Variants in COL16A1 observed in about 807,000 individuals in gnomAD.
COL16A1 encodes collagen alpha-1(XVI) chain.
Under a neutral mutation model 266.3 loss-of-function variants are expected in COL16A1, and 189 were observed. The observed-to-expected ratio is 0.71, with a 90% CI of 0.63 to 0.80. COL16A1 has a LOEUF of 0.80. Ranked by LOEUF, COL16A1 falls within the 30% of genes least tolerant of loss-of-function variation. The pLI is 0.00. For missense variants in COL16A1, 1,928 were observed against 2,122.4 expected, an observed-to-expected ratio of 0.91 and a Z score of 1.80; for synonymous variants, 740 against 782.3, an observed-to-expected ratio of 0.95 and a Z score of 0.90.
At chr1:31,691,315 A>T (rs1570559548) in intron 19 of COL16A1, 89 bp from the exon 20 acceptor site, 2 of 1,593,100 alleles carry the variant, frequency 1.3e-6, no homozygotes, top group East Asian at 4.5e-5. Context: ...TCCAGCCAGG[A>T]TCCCTGGGAC....
At position 31,697,340 on chromosome 1, in the gene COL16A1, A is replaced by T; in HGVS notation, c.658-40T>A. ...CACATCAATTTCACTTCATTTTATC[A>T]AATAGCTCTGTGTCCTGGCCCCCCA... On this transcript the variant is annotated intron_variant, in intron 6 of 70. Coordinates refer to ENST00000373672, the MANE Select transcript of COL16A1 (RefSeq NM_001856.4). The surrounding 1 kb of genome is among the most constrained non-coding windows in gnomAD (Gnocchi z 4.2). 1 of 1,556,072 alleles carries T rather than the reference A, an allele frequency of 6.4e-7. No homozygotes were observed. Among genetic ancestry groups the T allele is most frequent in the African/African-American group, 1.4e-5 (1 of 73,344 alleles).
At chr1:31,672,348 C>A in intron 47 of COL16A1, 68 bp downstream of exon 47, 1 of 1,585,368 alleles carries the variant, frequency 6.3e-7, no homozygotes, top group Non-Finnish European at 8.6e-7. Flanking sequence ...CTCGGAGGCC[C>A]CCAAGAGGTC....
Position 31,656,360 on chromosome 1 carries a change from C to T in COL16A1, c.4101+40G>A, listed in dbSNP as rs1436933696. ...AACTTGCAGCTGGGCTTCATCCACTCGTGAGCTTCTCCTCTCAAGCCCAGC... is the reference window on the plus strand; with the variant it reads ...AACTTGCAGCTGGGCTTCATCCACTTGTGAGCTTCTCCTCTCAAGCCCAGC... On this transcript the variant is annotated intron_variant, in intron 66 of 70. Transcript: ENST00000373672. This position sits in a 1 kb window ranked among gnomAD's most constrained non-coding sequence, Gnocchi z 4.2. 3.1e-6 allele frequency: 5 copies of T among 1,610,588 alleles called. No individual in the cohort carries two copies. The highest frequency in any genetic ancestry group is 3.4e-5 in the Admixed American group (2 of 59,552).
intron 34 of COL16A1, 29 bp from the exon 35 acceptor site, chr1:31,683,398 A>G (rs1034911776): frequency 1.2e-6 from 2 of 1,612,768 alleles, no homozygotes; most frequent in Non-Finnish European, 1.7e-6. Context: ...AGACTAGGGC[A>G]CAGCAGCCAC....
Position 31,657,227 on chromosome 1 carries a change from CT to C in COL16A1, c.4021-160del. On this transcript the variant is annotated intron_variant, in intron 64 of 70. Transcript: ENST00000373672. This position sits in a 1 kb window ranked among gnomAD's most constrained non-coding sequence, Gnocchi z 6.4. ...ACAATCTGGGCACAGGCCGTGGAAA[CT>C]TAGACCCCCACCCCATACTCCAGCG... The C allele has an allele frequency of 2.4e-6, 2 of 817,826 alleles. No individual in the cohort carries two copies. The highest frequency in any genetic ancestry group is 4.0e-6 in the Non-Finnish European group (2 of 499,670). 50.7% of individuals were successfully genotyped at this position (817,826 alleles called of 1,614,324 possible). A position where few individuals can be genotyped will look rare whatever the true frequency, so the allele number is the denominator to read the frequency against.
At position 31,656,876 on chromosome 1, in the gene COL16A1, G is replaced by T; in HGVS notation, c.4056+157C>A. On this transcript the variant is annotated intron_variant, in intron 65 of 70. Transcript: ENST00000373672. This position sits in a 1 kb window ranked among gnomAD's most constrained non-coding sequence, Gnocchi z 4.2. ...ATCTCACTCCCATCCTTGGCCTCAA[G>T]TCTCTAATTCCTCTCCCCAGGACAA... is the stretch of plus-strand genomic sequence containing the variant. 1 of 873,824 alleles carries T rather than the reference G, an allele frequency of 1.1e-6. No homozygotes were observed. Among genetic ancestry groups the T allele is most frequent in the Non-Finnish European group, 1.7e-6 (1 of 571,856 alleles). 54.1% of individuals were successfully genotyped at this position (873,824 alleles called of 1,614,324 possible).
chr1:31,697,644 G>A lies in COL16A1; in HGVS notation c.657+262C>T, dbSNP rs780209289. ...ACGGCAGTGTGAAAGCACTGGGTGC[G>A]CTGGATGGCTAGGATGGAATTGATC... On this transcript the variant is annotated intron_variant, in intron 6 of 70. Transcript: ENST00000373672. The surrounding 1 kb of genome is among the most constrained non-coding windows in gnomAD (Gnocchi z 4.2). Among the ~76,000 whole-genome samples, 23 of 152,190 alleles carry A rather than the reference G, an allele frequency of 1.5e-4. No individual in the cohort carries two copies. The highest frequency in any genetic ancestry group is 2.9e-4 in the Non-Finnish European group (20 of 68,032).
Position 31,688,431 on chromosome 1 carries a change from A to G in COL16A1, c.1803+36T>C. 1 of 1,613,672 alleles carries G rather than the reference A, an allele frequency of 6.2e-7. No individual in the cohort carries two copies. Among genetic ancestry groups the G allele is most frequent in the South Asian group, 1.1e-5 (1 of 91,062 alleles). On this transcript the variant is annotated intron_variant, in intron 26 of 70. Transcript: ENST00000373672. This position sits in a 1 kb window ranked among gnomAD's most constrained non-coding sequence, Gnocchi z 4.9. ...CTCCTCCCCTGCCTGCCTGCCAAGA[A>G]ACTCCAGTGTCCCTGACATCTAACC...
chr1:31,666,036 C>A lies in COL16A1; in HGVS notation c.3402+1G>T, dbSNP rs755506431. 1 of 1,614,018 alleles carries A rather than the reference C, an allele frequency of 6.2e-7. No homozygotes were observed. The highest frequency in any genetic ancestry group is 2.2e-5 in the East Asian group (1 of 44,886). On this transcript the variant is annotated splice_donor_variant, in intron 53 of 70. Transcript: ENST00000373672. LOFTEE classifies it high-confidence loss of function. Reference sequence around the variant, plus strand: ...ATCTCCCCATGCCCTCCTTCACTCACCGCTGGGCCTGGGGGGCCTGGGAGG... The same window carrying A: ...ATCTCCCCATGCCCTCCTTCACTCAACGCTGGGCCTGGGGGGCCTGGGAGG...
chr1:31,689,029 A>T, intron 24 of COL16A1, 21 bp downstream of exon 24: 5 of 1,613,968 alleles, frequency 3.1e-6, no homozygotes, highest in Non-Finnish European at 4.2e-6. Context: ...GAGGGCAGCC[A>T]GGAGAGCAGG....
chr1:31,674,748 A>G (rs1379679804), intron 44 of COL16A1, among the ~76,000 whole-genome samples: 1 of 152,202 alleles, frequency 6.6e-6, no homozygotes, highest in Non-Finnish European at 1.5e-5. Context: ...GGCAGGCTTC[A>G]GGGCTGGGTT....
chr1:31,670,685 A>G lies in COL16A1; in HGVS notation c.3151-39T>C, dbSNP rs1051865438. Reference sequence around the variant, plus strand: ...CAGGCAGGTCACATCTCACAGGCACAGTAACCCTGGGACAGCCTGGAGGGC... The same window carrying G: ...CAGGCAGGTCACATCTCACAGGCACGGTAACCCTGGGACAGCCTGGAGGGC... On this transcript the variant is annotated intron_variant, in intron 48 of 70. Coordinates refer to ENST00000373672, the MANE Select transcript of COL16A1 (RefSeq NM_001856.4). The surrounding 1 kb of genome is among the most constrained non-coding windows in gnomAD (Gnocchi z 4.5). 9 of 1,420,734 alleles carry G rather than the reference A, an allele frequency of 6.3e-6. No individual in the cohort carries two copies. The highest frequency in any genetic ancestry group is 8.3e-6 in the Non-Finnish European group (9 of 1,088,194). 88.0% of individuals were successfully genotyped at this position (1,420,734 alleles called of 1,614,324 possible).
At position 31,685,081 on chromosome 1, in the gene COL16A1, A is replaced by G. The variant is rs1364268550; in HGVS notation, c.2017-225T>C. 6.6e-6 allele frequency among the ~76,000 whole-genome samples: 1 copy of G among 152,188 alleles called. No homozygotes were observed. The highest frequency in any genetic ancestry group is 1.5e-5 in the Non-Finnish European group (1 of 68,024). ...TCTATCTCCGTACCTCAGTTTCTTC[A>G]GCTGTCAAATGGGGATGATAAAAAT... is the stretch of plus-strand genomic sequence containing the variant. On this transcript the variant is annotated intron_variant, in intron 29 of 70. Coordinates refer to ENST00000373672, the MANE Select transcript of COL16A1 (RefSeq NM_001856.4). This position sits in a 1 kb window ranked among gnomAD's most constrained non-coding sequence, Gnocchi z 4.0.
chr1:31,697,886 G>T lies in COL16A1; in HGVS notation c.657+20C>A. The T allele has an allele frequency of 6.3e-7, 1 of 1,591,080 alleles. No individual in the cohort carries two copies. The highest frequency in any genetic ancestry group is 8.6e-7 in the Non-Finnish European group (1 of 1,166,850). On this transcript the variant is annotated intron_variant, in intron 6 of 70. Coordinates refer to ENST00000373672, the MANE Select transcript of COL16A1 (RefSeq NM_001856.4). The surrounding 1 kb of genome is among the most constrained non-coding windows in gnomAD (Gnocchi z 4.2). Reference sequence around the variant, plus strand: ...TCCCAGAAGGCAGGAACAGAGGTCAGGGCCTGACCTAGCACTCACCGAGAC... The same window carrying T: ...TCCCAGAAGGCAGGAACAGAGGTCATGGCCTGACCTAGCACTCACCGAGAC...
Position 31,686,073 on chromosome 1 carries a change from G to C in COL16A1, c.1884+18C>G, listed in dbSNP as rs752977109. 6.2e-7 allele frequency: 1 copy of C among 1,613,652 alleles called. No homozygotes were observed. On this transcript the variant is annotated intron_variant, in intron 28 of 70. Transcript: ENST00000373672. Reference sequence around the variant, plus strand: ...AAGCTCACCCAGGCTGCAGCACGGAGAATGTCCCCAGACTCACCTTCGCCC... The same window carrying C: ...AAGCTCACCCAGGCTGCAGCACGGACAATGTCCCCAGACTCACCTTCGCCC...
At chr1:31,691,344 C>A (rs377449159) in intron 19 of COL16A1, 73 bp downstream of exon 19, 2 of 1,581,330 alleles carry the variant, frequency 1.3e-6, no homozygotes, top group South Asian at 1.2e-5. Flanking sequence ...ATCTTCCCCC[C>A]GTTCATTCCC....
chr1:31,691,517 C>T lies in COL16A1; in HGVS notation c.1303-5G>A, dbSNP rs1284414411. 4 of 1,613,830 alleles carry T rather than the reference C, an allele frequency of 2.5e-6. No homozygotes were observed. In the Admixed American group the frequency reaches 5.0e-5, roughly 20 times the overall value. On this transcript the variant is annotated splice_polypyrimidine_tract_variant and splice_region_variant and intron_variant, in intron 18 of 70. Transcript: ENST00000373672. Reference sequence around the variant, plus strand: ...CCCAACAAAGCCAGGGTCTCCCTGGCACAGACATAAGGTGGGCATCAGAGA... The same window carrying T: ...CCCAACAAAGCCAGGGTCTCCCTGGTACAGACATAAGGTGGGCATCAGAGA...
chr1:31,693,943 G>A (rs1644385311), intron 12 of COL16A1, among the ~76,000 whole-genome samples: 1 of 152,158 alleles, frequency 6.6e-6, no homozygotes, highest in Non-Finnish European at 1.5e-5. Context: ...TGCACAGAAG[G>A]GCCTCAGAAA....
chr1:31,674,925 C>T, intron 44 of COL16A1, 82 bp downstream of exon 44: 1 of 1,572,024 alleles, frequency 6.4e-7, no homozygotes, highest in South Asian at 1.2e-5. Flanking sequence ...TGCGAGGTGC[C>T]ACACAGCTGA....
Sources: allele counts gnomAD v4.1 joint callset (sites outside exome capture counted in the v4.1 genomes callset), GRCh38; gene constraint gnomAD v4.1.1; non-coding constraint Gnocchi (gnomAD v3.1); transcripts MANE v1.5; gene names NCBI Gene and HGNC (gene_info 2026-07-23, HGNC 2026-07-21).